The following MAP3K13 variants were observed in gnomAD, a reference collection of about 807,000 sequenced individuals.
The protein encoded by MAP3K13 is mitogen-activated protein kinase kinase kinase 13.
MAP3K13 carries 52 observed loss-of-function variants against 104.0 expected under a neutral mutation model. The observed-to-expected ratio is 0.50, with a 90% confidence interval of 0.40 to 0.63. MAP3K13 has a LOEUF of 0.63. MAP3K13 is among the 20% of genes least tolerant of loss of function. MAP3K13 has a pLI of 0.00. For missense variants in MAP3K13, 914 were observed against 1,218.5 expected (o/e 0.75, Z 3.72); for synonymous variants, 394 against 442.2 (o/e 0.89, Z 1.37).
chr3:185,331,765 C>T (rs1722291798), intron 2 of MAP3K13, among the ~76,000 whole-genome samples: 1 of 152,208 alleles, frequency 6.6e-6, no homozygotes, highest in Non-Finnish European at 1.5e-5. Context: ...AGCTCCCATT[C>T]AGGGTCCCCA....
intron 7 of MAP3K13, among the ~76,000 whole-genome samples, chr3:185,462,114 A>G (rs998559148): frequency 2.6e-5 from 4 of 152,216 alleles, no homozygotes; most frequent in African/African-American, 9.7e-5. Flanking sequence ...TTAGTTACAA[A>G]TCTAGCCTTC....
intron 7 of MAP3K13, among the ~76,000 whole-genome samples, chr3:185,461,831 G>A (rs1187935707): frequency 4.6e-5 from 7 of 152,162 alleles, no homozygotes; most frequent in Admixed American, 4.6e-4. Flanking sequence ...CCAAAGTGCT[G>A]GAATTCCAGG....
intron 2 of MAP3K13, among the ~76,000 whole-genome samples, chr3:185,322,226 C>A (rs770727108): frequency 2.8e-4 from 42 of 152,312 alleles, no homozygotes; most frequent in Middle Eastern, 3.4e-3. Flanking sequence ...TTGCCAAAGG[C>A]CTTTAAATCA....
At chr3:185,453,633 G>A (rs1240876692) in intron 7 of MAP3K13, among the ~76,000 whole-genome samples, 5 of 151,558 alleles carry the variant, frequency 3.3e-5, no homozygotes, top group Admixed American at 6.6e-5. Context: ...GCTGCACGTG[G>A]TGCTACACAC....
At chr3:185,355,347 A>G (rs1053021882) in intron 2 of MAP3K13, among the ~76,000 whole-genome samples, 10 of 152,064 alleles carry the variant, frequency 6.6e-5, no homozygotes, top group Non-Finnish European at 1.3e-4. Context: ...CGTGCCTGTA[A>G]TCCCAGCTAC....
chr3:185,428,044 A>C (rs1577545632), intron 1 of MAP3K13, among the ~76,000 whole-genome samples: 1 of 151,254 alleles, frequency 6.6e-6, no homozygotes, highest in African/African-American at 2.4e-5. Flanking sequence ...GCGCCATTGC[A>C]CTCCAGCCTG....
intron 1 of MAP3K13, among the ~76,000 whole-genome samples, chr3:185,375,683 A>G (rs1425479044): frequency 3.9e-5 from 6 of 152,194 alleles, no homozygotes; most frequent in African/African-American, 1.2e-4. Context: ...TTTTTTAGCT[A>G]TCTTATCAGC....
intron 2 of MAP3K13, among the ~76,000 whole-genome samples, chr3:185,355,925 CT>C (rs1417368132): frequency 1.3e-5 from 2 of 152,168 alleles, no homozygotes; most frequent in Non-Finnish European, 2.9e-5. Flanking sequence ...AGGTGCTGTG[CT>C]ATACCTGTAA....
intron 2 of MAP3K13, among the ~76,000 whole-genome samples, chr3:185,308,041 C>CGTTTTTTTT (rs1721363568): frequency 2.0e-5 from 2 of 101,018 alleles, no homozygotes; most frequent in African/African-American, 4.0e-5. Context: ...TTGAGACTTA[C>CGTTTTTTTT]TTTGTTCCCT....
At chr3:185,283,024 A>C (rs1720358793) in exon 1 of MAP3K13, 1 of 152,360 alleles carries the variant, frequency 6.6e-6, no homozygotes, top group African/African-American at 2.4e-5. Flanking sequence ...AGGATCCCCG[A>C]CAGGTAACCT....
intron 2 of MAP3K13, among the ~76,000 whole-genome samples, chr3:185,289,855 T>C (rs1720664711): frequency 6.6e-6 from 1 of 152,184 alleles, no homozygotes; most frequent in South Asian, 2.1e-4. Flanking sequence ...TTCAGTGTGT[T>C]TAATAACAAA....
In MAP3K13 at chr3:185,449,371, T is replaced by TAA. The variant is rs61621090; in HGVS notation, c.1011-507_1011-506dup. Among the ~76,000 whole-genome samples the TAA allele has an allele frequency of 7.0e-3, 567 of 80,492 alleles. 9 individuals are homozygous for TAA. Among genetic ancestry groups the TAA allele is most frequent in the African/African-American group, 0.018 (382 of 20,906 alleles). The allele number at this position is 80,492 out of a possible 152,430, so 52.8% of individuals were successfully genotyped here. A position where few individuals can be genotyped will look rare whatever the true frequency, so the allele number is the denominator to read the frequency against. Reference sequence around the variant, plus strand: ...CTAGGTGACAGAGCAAGATGCTGTCTAAAAAAAAAAAAAAAAAAAAAAAGT... The same window carrying TAA: ...CTAGGTGACAGAGCAAGATGCTGTCTAAAAAAAAAAAAAAAAAAAAAAAAAGT... On this transcript the variant is annotated intron_variant, in intron 5 of 13. Transcript: ENST00000265026.
chr3:185,455,140 TATATATGTGA>T lies in MAP3K13; in HGVS notation c.1278+3746_1278+3755del, dbSNP rs1560118490. Among the ~76,000 whole-genome samples the T allele has an allele frequency of 8.3e-3, 860 of 103,676 alleles. 5 individuals carry two copies. Among genetic ancestry groups the T allele is most frequent in the Non-Finnish European group, 0.013 (716 of 53,242 alleles). 68.0% of individuals were successfully genotyped at this position (103,676 alleles called of 152,430 possible). ...AGATATATGTGAGATATATATATGA[TATATATGTGA>T]GATATATATGATATATATGAGATAT... On this transcript the variant is annotated intron_variant, in intron 7 of 13. Coordinates refer to ENST00000265026, the MANE Select transcript of MAP3K13 (RefSeq NM_004721.5).
chr3:185,407,756 T>C (rs1333953988), intron 1 of MAP3K13, among the ~76,000 whole-genome samples: 2 of 152,148 alleles, frequency 1.3e-5, no homozygotes, highest in Non-Finnish European at 2.9e-5. Context: ...TATTATTTGG[T>C]TTCTGTCCTT....
At chr3:185,421,802 A>G (rs1321868054) in intron 1 of MAP3K13, among the ~76,000 whole-genome samples, 1 of 152,224 alleles carries the variant, frequency 6.6e-6, no homozygotes, top group East Asian at 1.9e-4. Flanking sequence ...TTCACTGTGC[A>G]GTGGCAGCGT....
At chr3:185,319,869 G>A (rs927549472) in intron 2 of MAP3K13, among the ~76,000 whole-genome samples, 3 of 152,170 alleles carry the variant, frequency 2.0e-5, no homozygotes, top group African/African-American at 7.2e-5. Flanking sequence ...GCAGAGAGTT[G>A]TAGGTAGTAG....
chr3:185,478,921 G>C (rs921144636), intron 12 of MAP3K13, among the ~76,000 whole-genome samples: 16 of 151,332 alleles, frequency 1.1e-4, no homozygotes, highest in African/African-American at 3.6e-4. Context: ...TTTAGACTAA[G>C]AAATACAGAA....
At chr3:185,347,845 C>T (rs13327852) in intron 2 of MAP3K13, among the ~76,000 whole-genome samples, 41,595 of 151,538 alleles carry the variant, frequency 0.27, 8,064 homozygotes, top group African/African-American at 0.54. Flanking sequence ...CCTGTCTCTA[C>T]TAAAAATACA....
chr3:185,475,409 G>T (rs1196405312), intron 11 of MAP3K13, among the ~76,000 whole-genome samples: 1 of 152,204 alleles, frequency 6.6e-6, no homozygotes, highest in Non-Finnish European at 1.5e-5. Context: ...CTGAAGGAAT[G>T]AAAGGGTATA....
Sources: allele counts gnomAD v4.1 joint callset (sites outside exome capture counted in the v4.1 genomes callset), GRCh38; gene constraint gnomAD v4.1.1; transcripts MANE v1.5; gene names NCBI Gene and HGNC (gene_info 2026-07-23, HGNC 2026-07-21).